BRINP3: variants seen among roughly 807,000 people sequenced by gnomAD.
BRINP3 encodes BMP/retinoic acid inducible neural specific 3, also known as BMP/retinoic acid-inducible neural-specific protein 3.
Under a neutral mutation model 71.0 loss-of-function variants are expected in BRINP3, and 19 were observed. The observed-to-expected ratio is 0.27, with a 90% CI of 0.19 to 0.39. The LOEUF is 0.39. Ranked by LOEUF, BRINP3 falls within the 10% of genes least tolerant of loss-of-function variation. The probability of loss-of-function intolerance (pLI) is 1.00; values close to 1 mark genes in which losing one functional copy is unlikely to be tolerated. For missense variants in BRINP3, 959 were observed against 940.8 expected (o/e 1.02, Z -0.25); for synonymous variants, 380 against 337.7 (o/e 1.13, Z -1.37).
chr1:190,438,285 A>G (rs1674596713), intron 2 of BRINP3, among the ~76,000 whole-genome samples: 1 of 151,572 alleles, frequency 6.6e-6, no homozygotes, highest in Non-Finnish European at 1.5e-5. Flanking sequence ...AACTATAAAA[A>G]TAACTAAAAT....
At position 190,098,132 on chromosome 1, in the gene BRINP3, ACG is replaced by A; in HGVS notation, c.2185_2186del (p.Arg729SerfsTer2). The A allele has an allele frequency of 6.2e-7, 1 of 1,614,200 alleles. No individual in the cohort carries two copies. The highest frequency in any genetic ancestry group is 8.5e-7 in the Non-Finnish European group (1 of 1,180,034). ...CACTAGTAGACAGCTTGAGTCTATG[ACG>A]AAGCAAGCAAGAGAAAAGATCTAGA... ...RRLDLFSCLL[R>X]HRLKLSTSEV... On this transcript the variant is annotated frameshift_variant, in exon 8 of 8. Transcript: ENST00000367462. LOFTEE classifies it high-confidence loss of function.
At position 190,139,819 on chromosome 1, in the gene BRINP3, G is replaced by A. The variant is rs78125370; in HGVS notation, c.1184+20849C>T. On this transcript the variant is annotated intron_variant, in intron 7 of 7. Transcript: ENST00000367462. Reference sequence around the variant, plus strand: ...AGTGTTACCTTTCTCATGTTTGTAGGCCCAATATTATATCTATGGTAAACA... The same window carrying A: ...AGTGTTACCTTTCTCATGTTTGTAGACCCAATATTATATCTATGGTAAACA... Among the ~76,000 whole-genome samples the A allele has an allele frequency of 9.2e-5, 14 of 152,196 alleles. No homozygotes were observed. In the East Asian group the frequency reaches 2.1e-3, roughly 23 times the overall value.
At chr1:190,181,096 A>G (rs1325696067) in intron 6 of BRINP3, among the ~76,000 whole-genome samples, 1 of 151,998 alleles carries the variant, frequency 6.6e-6, no homozygotes, top group Admixed American at 6.6e-5. Context: ...ACACTACCCA[A>G]TCGTTTTTAT....
chr1:190,169,986 C>T (rs976288243), intron 6 of BRINP3, among the ~76,000 whole-genome samples: 5 of 152,002 alleles, frequency 3.3e-5, no homozygotes, highest in African/African-American at 1.2e-4. Context: ...TTCAAAGTGA[C>T]ACAGTTATTA....
intron 2 of BRINP3, among the ~76,000 whole-genome samples, chr1:190,338,524 T>C (rs1259374378): frequency 6.6e-6 from 1 of 152,006 alleles, no homozygotes; most frequent in African/African-American, 2.4e-5. Flanking sequence ...TATGTGCATA[T>C]ATTTTATTAA....
chr1:190,257,254 ACCCTTTCTTCCACTT>A, intron 4 of BRINP3, among the ~76,000 whole-genome samples: 1 of 152,076 alleles, frequency 6.6e-6, no homozygotes, highest in Non-Finnish European at 1.5e-5. Flanking sequence ...AATCATTGAT[ACCCTTTCTTCCACTT>A]GATCAAATTG....
chr1:190,208,983 A>T (rs1855239), intron 6 of BRINP3, among the ~76,000 whole-genome samples: 63,310 of 151,942 alleles, frequency 0.42, 13,814 homozygotes, highest in Non-Finnish European at 0.49. Context: ...ATGTCCTTTA[A>T]ACTTGATCCA....
At chr1:190,417,193 TAA>T (rs1221085395) in intron 2 of BRINP3, among the ~76,000 whole-genome samples, 4 of 151,942 alleles carry the variant, frequency 2.6e-5, no homozygotes, top group Admixed American at 6.6e-5. Context: ...AAAACTCGTT[TAA>T]GAGGTGATTT....
At chr1:190,245,641 T>C (rs1231238229) in intron 4 of BRINP3, among the ~76,000 whole-genome samples, 1 of 152,050 alleles carries the variant, frequency 6.6e-6, no homozygotes, top group Non-Finnish European at 1.5e-5. Context: ...TTAGGGTACA[T>C]GTGCACAACG....
intron 4 of BRINP3, among the ~76,000 whole-genome samples, chr1:190,256,799 A>G (rs1660700804): frequency 6.6e-6 from 1 of 152,214 alleles, no homozygotes; most frequent in Admixed American, 6.5e-5. Context: ...TTCTTTAAGA[A>G]TGTTGACTAC....
At chr1:190,245,510 C>G (rs574076969) in intron 4 of BRINP3, among the ~76,000 whole-genome samples, 17 of 152,058 alleles carry the variant, frequency 1.1e-4, no homozygotes, top group East Asian at 9.7e-4. Flanking sequence ...TGCCCACTCC[C>G]CCAGTTTTCT....
chr1:190,323,725 A>C (rs987580007), intron 2 of BRINP3, among the ~76,000 whole-genome samples: 1 of 151,998 alleles, frequency 6.6e-6, no homozygotes, highest in South Asian at 2.1e-4. Context: ...CATGACAAGC[A>C]TGACATGATC....
chr1:190,303,644 T>C (rs1006809748), intron 2 of BRINP3, among the ~76,000 whole-genome samples: 3 of 151,762 alleles, frequency 2.0e-5, no homozygotes, highest in Non-Finnish European at 4.4e-5. Flanking sequence ...AAATTAAGTA[T>C]GAGGACACTT....
intron 6 of BRINP3, among the ~76,000 whole-genome samples, chr1:190,209,978 A>G (rs2102646421): frequency 6.6e-6 from 1 of 152,222 alleles, no homozygotes; most frequent in East Asian, 1.9e-4. Flanking sequence ...TTAGTTTGTC[A>G]TTATAAGGTA....
chr1:190,429,088 A>T (rs1460879037), intron 2 of BRINP3, among the ~76,000 whole-genome samples: 1 of 152,164 alleles, frequency 6.6e-6, no homozygotes. Flanking sequence ...TATGAAGAAA[A>T]TATAAGATTT....
rs140712058 is a variant in BRINP3, at chr1:190,226,158, G to A, written c.885C>T (p.Asp295=). 1.6e-5 allele frequency: 25 copies of A among 1,612,458 alleles called. No homozygotes were observed. In the African/African-American group the frequency reaches 3.2e-4, roughly 21 times the overall value. The change falls in exon 6 of 8, where the codon GAC becomes GAT. Residue 295 remains aspartate (D), a synonymous_variant. Coordinates refer to ENST00000367462, the MANE Select transcript of BRINP3 (RefSeq NM_199051.3). Reference sequence around the variant, plus strand: ...GAAGATTCTCTTCCATGGCTTGAATGTCCATGGAGGGGCAGTTGCATTCTG... The same window carrying A: ...GAAGATTCTCTTCCATGGCTTGAATATCCATGGAGGGGCAGTTGCATTCTG... ...KFPECNCPSM[D]IQAMEENLLR...
chr1:190,300,938 A>G (rs1664635913), intron 2 of BRINP3, among the ~76,000 whole-genome samples: 2 of 151,988 alleles, frequency 1.3e-5, no homozygotes, highest in Admixed American at 6.6e-5. Flanking sequence ...AATGACTTTG[A>G]CGAGCTGAGA....
chr1:190,224,453 CT>C (rs369250121), intron 6 of BRINP3, among the ~76,000 whole-genome samples: 1 of 151,628 alleles, frequency 6.6e-6, no homozygotes, highest in East Asian at 1.9e-4. Flanking sequence ...ATCTAGACCC[CT>C]ATCTCTCACC....
intron 1 of BRINP3, among the ~76,000 whole-genome samples, chr1:190,457,216 C>T (rs549632341): frequency 4.6e-4 from 70 of 152,134 alleles, no homozygotes; most frequent in African/African-American, 1.6e-3. Context: ...CCGAGGAGGG[C>T]GGATCACCTG....
Sources: allele counts gnomAD v4.1 joint callset (sites outside exome capture counted in the v4.1 genomes callset), GRCh38; gene constraint gnomAD v4.1.1; transcripts MANE v1.5; gene names NCBI Gene and HGNC (gene_info 2026-07-23, HGNC 2026-07-21).